RANGAP1: variants seen among roughly 807,000 people sequenced by gnomAD.
The protein encoded by RANGAP1 is Ran GTPase activating protein 1.
Under a neutral mutation model 63.5 loss-of-function variants are expected in RANGAP1, and 38 were observed. The observed-to-expected ratio is 0.60, with a 90% CI of 0.46 to 0.78. The LOEUF (loss-of-function observed/expected upper bound fraction) is 0.78, where lower values mean the gene tolerates loss of function less well. Among genes scored for constraint, RANGAP1 ranks in the 30% least tolerant of loss-of-function variants. The pLI, the probability that RANGAP1 is intolerant of heterozygous loss-of-function variation, is 0.00. For synonymous variants in RANGAP1, 329 were observed against 310.5 expected (o/e 1.06, Z -0.63); for missense variants, 630 against 740.3 (o/e 0.85, Z 1.73).
chr22:41,265,031 G>T (rs2034386567), intron 4 of RANGAP1, among the ~76,000 whole-genome samples, 188 bp from the exon 5 acceptor site: 1 of 152,236 alleles, frequency 6.6e-6, no homozygotes, highest in African/African-American at 2.4e-5. Flanking sequence ...GCTGGAGAGT[G>T]GGGGATGCGT....
chr22:41,280,617 A>C, intron 2 of RANGAP1: 3 of 1,246,574 alleles, frequency 2.4e-6, no homozygotes, highest in Non-Finnish European at 3.2e-6. Flanking sequence ...ACAACACCGG[A>C]TATTAAGTCA....
intron 3 of RANGAP1, among the ~76,000 whole-genome samples, chr22:41,274,352 T>C (rs1016495955): frequency 5.9e-5 from 9 of 152,214 alleles, no homozygotes; most frequent in African/African-American, 2.2e-4. Flanking sequence ...CTCTCCCTAC[T>C]TTGTCTTTCA....
At chr22:41,275,841 G>A (rs1450786524) in intron 2 of RANGAP1, among the ~76,000 whole-genome samples, 1 of 152,034 alleles carries the variant, frequency 6.6e-6, no homozygotes, top group Non-Finnish European at 1.5e-5. Flanking sequence ...AGCTACTTGG[G>A]AGGCTGAGCT....
chr22:41,268,264 CTTTTT>C, intron 3 of RANGAP1, 108 bp from the exon 4 acceptor site: 1 of 982,150 alleles, frequency 1.0e-6, no homozygotes, highest in Admixed American at 2.2e-5. Context: ...AGACTTTTTT[CTTTTT>C]TTTGAGACGG....
intron 5 of RANGAP1, among the ~76,000 whole-genome samples, chr22:41,263,839 T>A (rs186712441): frequency 6.6e-6 from 1 of 152,344 alleles, no homozygotes; most frequent in African/African-American, 2.4e-5. Flanking sequence ...CCACTCCAGC[T>A]CCTCAGCCTG....
upstream of RANGAP1, among the ~76,000 whole-genome samples, chr22:41,288,105 A>G (rs2145873775): frequency 6.6e-6 from 1 of 152,314 alleles, no homozygotes; most frequent in East Asian, 1.9e-4. Context: ...TTCCCAGCAC[A>G]GAGATGAGAA....
chr22:41,278,562 C>T (rs1456906953), intron 2 of RANGAP1, among the ~76,000 whole-genome samples: 4 of 152,354 alleles, frequency 2.6e-5, no homozygotes, highest in South Asian at 2.1e-4. Flanking sequence ...GTTTCCTAAA[C>T]GGAGCTCAAT....
chr22:41,266,785 C>T (rs1569193488), intron 4 of RANGAP1, among the ~76,000 whole-genome samples: 1 of 152,148 alleles, frequency 6.6e-6, no homozygotes, highest in African/African-American at 2.4e-5. Context: ...CCACGTGCAC[C>T]GCCCCCCACC....
intron 2 of RANGAP1, among the ~76,000 whole-genome samples, chr22:41,276,588 G>A (rs897881787): frequency 3.9e-5 from 6 of 152,038 alleles, no homozygotes; most frequent in Admixed American, 6.6e-5. Flanking sequence ...GCAGTGAGCC[G>A]AGATCGTGGC....
At chr22:41,288,436 C>T (rs1394290191), upstream of RANGAP1, among the ~76,000 whole-genome samples, 1 of 152,194 alleles carries the variant, frequency 6.6e-6, no homozygotes, top group East Asian at 1.9e-4. Flanking sequence ...CAGGTTTCCC[C>T]ATTTGAACCA....
At chr22:41,285,441 A>G in intron 1 of RANGAP1, 1 of 935,936 alleles carries the variant, frequency 1.1e-6, no homozygotes, top group Non-Finnish European at 1.3e-6. Flanking sequence ...CCAGAGCAAA[A>G]GCAAAGGGCT....
intron 3 of RANGAP1, 148 bp from the exon 4 acceptor site, chr22:41,268,304 G>A: frequency 1.5e-6 from 1 of 673,420 alleles, no homozygotes; most frequent in African/African-American, 1.8e-5. Context: ...TGCCCAGGCT[G>A]GAGTGCAGTG....
chr22:41,253,731 C>T (rs143864783), intron 11 of RANGAP1, among the ~76,000 whole-genome samples: 165 of 152,294 alleles, frequency 1.1e-3, no homozygotes, highest in Non-Finnish European at 1.6e-3. Flanking sequence ...CTTTCAGAAA[C>T]CCTTATGCAT....
chr22:41,260,214 G>T (rs959749131), intron 6 of RANGAP1, among the ~76,000 whole-genome samples: 2 of 151,978 alleles, frequency 1.3e-5, no homozygotes, highest in African/African-American at 4.8e-5. Context: ...CCACATACTG[G>T]GGGGGATTAA....
rs1006569064 is a variant in RANGAP1, at chr22:41,268,165, G to C, written c.241-9C>G. The C allele has an allele frequency of 6.5e-7, 1 of 1,544,640 alleles. No homozygotes were observed. Among genetic ancestry groups the C allele is most frequent in the African/African-American group, 1.4e-5 (1 of 72,950 alleles). On this transcript the variant is annotated splice_polypyrimidine_tract_variant and intron_variant, in intron 3 of 15. Coordinates refer to ENST00000356244, the MANE Select transcript of RANGAP1 (RefSeq NM_002883.4). ...TCACTCCAGTGGCAGCGCTGCAACG[G>C]AAAGAAGAGAAGAGTTAGCGGGAGA...
chr22:41,282,228 G>C (rs1158868498), intron 1 of RANGAP1: 2 of 152,208 alleles, frequency 1.3e-5, no homozygotes, highest in African/African-American at 4.8e-5. Flanking sequence ...TTTGAGCCCA[G>C]GAGTTCAAAG....
chr22:41,254,975 CAAAAA>C, intron 10 of RANGAP1, among the ~76,000 whole-genome samples: 1 of 114,166 alleles, frequency 8.8e-6, no homozygotes, highest in East Asian at 2.1e-4. Context: ...CCATCCCCCA[CAAAAA>C]AACAAAAAAA....
At chr22:41,292,525 C>A in the RANGAP1 span, among the ~76,000 whole-genome samples, 4 of 152,062 alleles carry the variant, frequency 2.6e-5, no homozygotes, top group African/African-American at 9.7e-5. Context: ...CTTTGGGAGG[C>A]CGAGGTGGGT....
At chr22:41,294,733 GC>G in the RANGAP1 span, among the ~76,000 whole-genome samples, 1 of 138,358 alleles carries the variant, frequency 7.2e-6, no homozygotes, top group Non-Finnish European at 1.6e-5. Flanking sequence ...GAGCGTCTCT[GC>G]CCGGCCGCCC....
Sources: allele counts gnomAD v4.1 joint callset (sites outside exome capture counted in the v4.1 genomes callset), GRCh38; gene constraint gnomAD v4.1.1; transcripts MANE v1.5; gene names NCBI Gene and HGNC (gene_info 2026-07-23, HGNC 2026-07-21).